The following MIB1 variants were observed in gnomAD, a reference collection of about 807,000 sequenced individuals.
MIB1 encodes E3 ubiquitin-protein ligase MIB1.
In MIB1, 278 loss-of-function variants were observed where a neutral mutation model predicts 124.5. The ratio of observed to expected loss-of-function variants is 2.23; its 90% CI spans 2.02 to 2.47. The LOEUF is 2.47. MIB1 is among the 30% of genes most tolerant of loss of function. The pLI, the probability that MIB1 is intolerant of heterozygous loss-of-function variation, is 0.00. For missense variants in MIB1, 957 were observed against 1,254.4 expected, an observed-to-expected ratio of 0.76 and a Z score of 3.58; for synonymous variants, 446 against 429.4, an observed-to-expected ratio of 1.04 and a Z score of -0.48.
intron 1 of MIB1, among the ~76,000 whole-genome samples, chr18:21,765,550 A>G (rs935723488): frequency 6.6e-6 from 1 of 152,196 alleles, no homozygotes; most frequent in African/African-American, 2.4e-5. Flanking sequence ...ATGTGTTCTT[A>G]CTAATGAAAA....
At chr18:21,718,348 C>G (rs2040698958) in intron 1 of MIB1, among the ~76,000 whole-genome samples, 1 of 152,114 alleles carries the variant, frequency 6.6e-6, no homozygotes. Flanking sequence ...AAAGAACTTA[C>G]TAATGTAACC....
intron 8 of MIB1, among the ~76,000 whole-genome samples, chr18:21,799,417 A>T (rs928142688): frequency 6.6e-6 from 1 of 151,992 alleles, no homozygotes; most frequent in African/African-American, 2.4e-5. Context: ...GTTGCTTTTG[A>T]TCATAACCAT....
At chr18:21,826,973 ATAATACTGGCTTC>A (rs1469020295) in intron 12 of MIB1, 2 of 152,170 alleles carry the variant, frequency 1.3e-5, no homozygotes, top group African/African-American at 4.8e-5. Context: ...GAAGATAGCA[ATAATACTGGCTTC>A]TATTTTTACT....
intron 10 of MIB1, among the ~76,000 whole-genome samples, chr18:21,815,011 TTATATATATATATATATATATATATA>T (rs60363843): frequency 0.089 from 4,680 of 52,744 alleles, 634 homozygotes; most frequent in African/African-American, 0.26. Flanking sequence ...GCTGTTGGTT[TTATATATATATATATATATATATATA>T]TATATATATA....
At chr18:21,855,433 A>C (rs1230593560) in intron 18 of MIB1, among the ~76,000 whole-genome samples, 1 of 152,230 alleles carries the variant, frequency 6.6e-6, no homozygotes, top group African/African-American at 2.4e-5. Context: ...ACAATACAAT[A>C]ACTGAACTAA....
chr18:21,741,875 C>T lies in MIB1; in HGVS notation c.229+63C>T. 1 of 1,414,336 alleles carries T rather than the reference C, an allele frequency of 7.1e-7. No homozygotes were observed. The highest frequency in any genetic ancestry group is 9.5e-7 in the Non-Finnish European group (1 of 1,053,170). The allele number at this position is 1,414,336 out of a possible 1,614,324, so 87.6% of individuals were successfully genotyped here. The stretch of plus-strand genomic sequence containing the variant: ...GGGGGAAGGGGCGAGCTGCGGTGGG[C>T]GTCGGTGTCGCGGGGAGAGGTCTGC... On this transcript the variant is annotated intron_variant, in intron 1 of 20. Coordinates refer to ENST00000261537, the MANE Select transcript of MIB1 (RefSeq NM_020774.4). This position sits in a 1 kb window ranked among gnomAD's most constrained non-coding sequence, Gnocchi z 5.4.
At chr18:21,854,331 C>T (rs139468450) in intron 18 of MIB1, among the ~76,000 whole-genome samples, 1 of 152,348 alleles carries the variant, frequency 6.6e-6, no homozygotes, top group Non-Finnish European at 1.5e-5. Flanking sequence ...CACTGCTGTA[C>T]TCTGCACTAT....
intron 10 of MIB1, among the ~76,000 whole-genome samples, chr18:21,805,551 T>C (rs1229478453): frequency 1.3e-5 from 2 of 152,136 alleles, no homozygotes; most frequent in African/African-American, 4.8e-5. Context: ...TTTCTTATTA[T>C]TTTAGTTTTA....
chr18:21,798,241 TTG>T lies in MIB1; in HGVS notation c.1237+17_1237+18del, dbSNP rs1231186535. 6.8e-6 allele frequency: 11 copies of T among 1,611,904 alleles called. No homozygotes were observed. The highest frequency in any genetic ancestry group is 1.3e-5 in the African/African-American group (1 of 74,854). Reference sequence around the variant, plus strand: ...AATGCATCTGGTGGTATGTTTTATATTGTGTTTCTTTAAGAGTAATGTGGTTT... The same window carrying T: ...AATGCATCTGGTGGTATGTTTTATATTGTTTCTTTAAGAGTAATGTGGTTT... On this transcript the variant is annotated intron_variant, in intron 8 of 20. Coordinates refer to ENST00000261537, the MANE Select transcript of MIB1 (RefSeq NM_020774.4).
intron 11 of MIB1, chr18:21,817,831 A>G (rs2041843656): frequency 4.2e-6 from 1 of 239,302 alleles, no homozygotes; most frequent in Admixed American, 4.9e-5. Flanking sequence ...AAATATGTCT[A>G]GTAAAAAAGA....
intron 1 of MIB1, among the ~76,000 whole-genome samples, chr18:21,746,112 C>T (rs914403068): frequency 6.6e-6 from 1 of 152,092 alleles, no homozygotes; most frequent in Non-Finnish European, 1.5e-5. Context: ...ATCATTTGTT[C>T]CCTAGTTCCA....
chr18:21,795,265 T>A (rs1421691519), intron 7 of MIB1, among the ~76,000 whole-genome samples: 1 of 143,064 alleles, frequency 7.0e-6, no homozygotes, highest in South Asian at 2.1e-4. Flanking sequence ...AGTCGAGATT[T>A]TATATATATA....
At chr18:21,859,392 CAA>C (rs55876332) in intron 20 of MIB1, among the ~76,000 whole-genome samples, 5 of 122,024 alleles carry the variant, frequency 4.1e-5, no homozygotes, top group African/African-American at 3.6e-5. Flanking sequence ...GACCCCATCT[CAA>C]AAAAAAAAAA....
chr18:21,787,414 G>A (rs2041448572), intron 6 of MIB1, among the ~76,000 whole-genome samples: 1 of 152,164 alleles, frequency 6.6e-6, no homozygotes, highest in Admixed American at 6.5e-5. Context: ...TGCTAGTCCT[G>A]TCTCTTCTCT....
chr18:21,735,047 A>G (rs2040789901), intron 1 of MIB1, among the ~76,000 whole-genome samples: 1 of 152,252 alleles, frequency 6.6e-6, no homozygotes, highest in Non-Finnish European at 1.5e-5. Context: ...TGGCTGGATC[A>G]TATGGCAGTG....
At chr18:21,707,001 A>G (rs1439451973) in intron 1 of MIB1, among the ~76,000 whole-genome samples, 2 of 152,180 alleles carry the variant, frequency 1.3e-5, no homozygotes, top group African/African-American at 2.4e-5. Context: ...GACTTGGAGA[A>G]CCTTTATGTC....
chr18:21,786,104 G>GT (rs914144856), intron 6 of MIB1, among the ~76,000 whole-genome samples: 107 of 146,788 alleles, frequency 7.3e-4, no homozygotes, highest in Middle Eastern at 3.5e-3. Context: ...TTGTTTTTCT[G>GT]TTTTTTTTTT....
chr18:21,827,029 G>A (rs1396097159), intron 12 of MIB1: 1 of 152,076 alleles, frequency 6.6e-6, no homozygotes, highest in Non-Finnish European at 1.5e-5. Context: ...AGATCCAGTT[G>A]CTCAAGTGTG....
chr18:21,772,136 TATATC>T (rs766249907), intron 3 of MIB1, among the ~76,000 whole-genome samples: 3 of 152,190 alleles, frequency 2.0e-5, no homozygotes, highest in Admixed American at 6.5e-5. Flanking sequence ...TTTCCACAAA[TATATC>T]ATAAAATACC....
Sources: allele counts gnomAD v4.1 joint callset (sites outside exome capture counted in the v4.1 genomes callset), GRCh38; gene constraint gnomAD v4.1.1; non-coding constraint Gnocchi (gnomAD v3.1); transcripts MANE v1.5; gene names NCBI Gene and HGNC (gene_info 2026-07-23, HGNC 2026-07-21).